PCDH11X: variants seen among roughly 807,000 people sequenced by gnomAD.
The protein encoded by PCDH11X is protocadherin-11 X-linked.
Under a neutral mutation model 53.3 loss-of-function variants are expected in PCDH11X, and 18 were observed. The ratio of observed to expected loss-of-function variants is 0.34; its 90% CI spans 0.23 to 0.50. The LOEUF (loss-of-function observed/expected upper bound fraction) is 0.50. Among genes scored for constraint, PCDH11X ranks in the 20% least tolerant of loss-of-function variants. The pLI is 0.98. For synonymous variants in PCDH11X, 279 were observed against 393.3 expected (o/e 0.71, Z 3.44); for missense variants, 570 against 1,032.4 (o/e 0.55, Z 6.14).
chrX:91,923,497 T>C (rs1487640893), intron 6 of PCDH11X, among the ~76,000 whole-genome samples: 2 of 110,030 alleles, frequency 1.8e-5, no homozygotes, highest in Non-Finnish European at 3.8e-5. Flanking sequence ...TCCAAATTCT[T>C]TAGCTTTGGG....
At chrX:92,327,375 A>AT (rs2069363028) in intron 8 of PCDH11X, among the ~76,000 whole-genome samples, 1 of 93,762 alleles carries the variant, frequency 1.1e-5, no homozygotes, top group African/African-American at 4.1e-5. Flanking sequence ...AAAATCTCTT[A>AT]TTTTTCATGT....
chrX:92,094,637 A>G (rs1376941117), intron 6 of PCDH11X, among the ~76,000 whole-genome samples: 1 of 111,308 alleles, frequency 9.0e-6, no homozygotes, highest in African/African-American at 3.3e-5. Context: ...CATGTCCACT[A>G]CTAGGCTGTC....
At chrX:91,882,131 A>G (rs1047764163) in intron 6 of PCDH11X, among the ~76,000 whole-genome samples, 12 of 110,888 alleles carry the variant, frequency 1.1e-4, no homozygotes, top group African/African-American at 3.9e-4. Context: ...CATTTATTAG[A>G]TAGGAGTACA....
chrX:91,974,024 C>G (rs2062011875), intron 6 of PCDH11X, among the ~76,000 whole-genome samples: 1 of 111,226 alleles, frequency 9.0e-6, no homozygotes, highest in African/African-American at 3.3e-5. Context: ...TGTATCAGTT[C>G]TTTATTCTGT....
intron 10 of PCDH11X, among the ~76,000 whole-genome samples, chrX:92,522,226 C>A (rs1031003810): frequency 1.8e-5 from 2 of 111,207 alleles, no homozygotes; most frequent in African/African-American, 6.5e-5. Flanking sequence ...ATGCATGACT[C>A]TTTTTCACTT....
At chrX:91,907,683 G>C (rs1236397759) in intron 6 of PCDH11X, among the ~76,000 whole-genome samples, 1 of 106,741 alleles carries the variant, frequency 9.4e-6, no homozygotes, top group Non-Finnish European at 1.9e-5. Flanking sequence ...TGTTAGATAG[G>C]TAAACTTGTG....
At chrX:91,916,232 A>G (rs1458478714) in intron 6 of PCDH11X, among the ~76,000 whole-genome samples, 1 of 111,489 alleles carries the variant, frequency 9.0e-6, no homozygotes, top group Non-Finnish European at 1.9e-5. Context: ...AGTCTGAAAG[A>G]GCACAAATAG....
chrX:92,616,541 G>T (rs982449333), intron 10 of PCDH11X, among the ~76,000 whole-genome samples: 1 of 111,568 alleles, frequency 9.0e-6, no homozygotes, highest in Non-Finnish European at 1.9e-5. Context: ...GTAGAATTTT[G>T]TGGATCTATT....
chrX:92,456,498 C>T (rs35682464), intron 9 of PCDH11X, among the ~76,000 whole-genome samples: 1 of 110,745 alleles, frequency 9.0e-6, no homozygotes, highest in East Asian at 2.8e-4. Flanking sequence ...TATCTCTTAG[C>T]GGTATACTCT....
intron 10 of PCDH11X, among the ~76,000 whole-genome samples, chrX:92,570,809 G>T (rs1225870411): frequency 9.7e-6 from 1 of 103,570 alleles, no homozygotes; most frequent in Non-Finnish European, 2.0e-5. Context: ...AATTATTTTT[G>T]ATGAATATAT....
intron 6 of PCDH11X, among the ~76,000 whole-genome samples, chrX:91,971,848 C>T (rs1296198089): frequency 9.0e-6 from 1 of 111,069 alleles, no homozygotes; most frequent in Non-Finnish European, 1.9e-5. Flanking sequence ...TCTAAATGAA[C>T]AAGTATCTAC....
chrX:92,604,549 A>G (rs60510825), intron 10 of PCDH11X, among the ~76,000 whole-genome samples: 2,123 of 111,552 alleles, frequency 0.019, 28 homozygotes, highest in Middle Eastern at 0.092. Context: ...TGCAAGGAGA[A>G]ACGGGGAAAC....
chrX:92,125,029 G>A (rs1449303900), intron 6 of PCDH11X, among the ~76,000 whole-genome samples: 1 of 111,783 alleles, frequency 8.9e-6, no homozygotes, highest in Non-Finnish European at 1.9e-5. Context: ...TGTACATACT[G>A]TTTCATCGTG....
chrX:92,078,596 G>A (rs962015896), intron 6 of PCDH11X, among the ~76,000 whole-genome samples: 4 of 110,757 alleles, frequency 3.6e-5, no homozygotes, highest in Admixed American at 9.7e-5. Context: ...CCACTCTCTC[G>A]ATTAACAGTA....
intron 10 of PCDH11X, among the ~76,000 whole-genome samples, chrX:92,499,636 CAAAAAAAAAAAAAAAAAAAAAAAAAAAAA>C (rs57761605): frequency 2.3e-4 from 4 of 17,277 alleles, no homozygotes; most frequent in Admixed American, 1.2e-3. Flanking sequence ...CCTGTCTCTA[CAAAAAAAAAAAAAAAAAAAAAAAAAAAAA>C]AAAAAAAAAA....
rs764705946 is a variant in PCDH11X, at chrX:92,027,138, CAT to C, written c.3033+147867_3033+147868del. ...TATACACACACACAGCACCCACACA[CAT>C]AGTGTATGACACATATAATGTGCCT... On this transcript the variant is annotated intron_variant, in intron 6 of 10. Coordinates refer to ENST00000682573, the MANE Select transcript of PCDH11X (RefSeq NM_032968.5). Among the ~76,000 whole-genome samples, 6 of 111,707 alleles carry C rather than the reference CAT, an allele frequency of 5.4e-5. No homozygotes were observed. In the Admixed American group the frequency reaches 5.7e-4, roughly 11 times the overall value.
intron 10 of PCDH11X, among the ~76,000 whole-genome samples, chrX:92,515,070 A>G (rs1284253638): frequency 9.6e-6 from 1 of 104,369 alleles, no homozygotes; most frequent in African/African-American, 3.5e-5. Flanking sequence ...AAAAGAAAAG[A>G]AAAGAATCAC....
chrX:92,342,305 A>G (rs2148516542), intron 8 of PCDH11X, among the ~76,000 whole-genome samples: 1 of 110,425 alleles, frequency 9.1e-6, no homozygotes, highest in African/African-American at 3.3e-5. Context: ...CAAACAACAA[A>G]TGAAAAAAAG....
chrX:92,528,231 A>G (rs2074491660), intron 10 of PCDH11X, among the ~76,000 whole-genome samples: 1 of 112,702 alleles, frequency 8.9e-6, no homozygotes, highest in South Asian at 3.6e-4. Context: ...ACACACATAT[A>G]CAGACATACG....
Sources: gnomAD v4.1 joint callset for allele counts (sites outside exome capture counted in the v4.1 genomes callset) on GRCh38, gnomAD v4.1.1 for gene constraint, MANE v1.5 for transcripts, NCBI Gene and HGNC (gene_info 2026-07-23, HGNC 2026-07-21) for gene names.